Variants in ACSS3 observed in about 807,000 individuals in gnomAD.
The protein encoded by ACSS3 is acyl-CoA synthetase short chain family member 3.
Under a neutral mutation model 84.2 loss-of-function variants are expected in ACSS3, and 64 were observed. The ratio of observed to expected loss-of-function variants is 0.76; its 90% confidence interval spans 0.62 to 0.94. The LOEUF is 0.94. ACSS3 is among the 40% of genes least tolerant of loss of function. The probability of loss-of-function intolerance (pLI) is 0.00; values close to 1 mark genes in which losing one functional copy is unlikely to be tolerated. For synonymous variants in ACSS3, 317 were observed against 310.1 expected (o/e 1.02, Z -0.23); for missense variants, 815 against 867.6 (o/e 0.94, Z 0.76).
At chr12:81,190,205 TAGA>T (rs2031494302) in intron 8 of ACSS3, among the ~76,000 whole-genome samples, 1 of 145,580 alleles carries the variant, frequency 6.9e-6, no homozygotes, top group African/African-American at 2.4e-5. Flanking sequence ...CACAAAAACA[TAGA>T]GATAGAGAGA....
chr12:81,132,545 GTCTA>G lies in ACSS3; in HGVS notation c.457-2265_457-2262del, dbSNP rs376301055. On this transcript the variant is annotated intron_variant, in intron 2 of 15. Coordinates refer to ENST00000548058, the MANE Select transcript of ACSS3 (RefSeq NM_024560.4). ...TTCTTCTTTATTAGTCTTGCTAGCA[GTCTA>G]TCTATTTTGTTGATCTTTTCAAAAA... Among the ~76,000 whole-genome samples, 777 of 152,120 alleles carry G rather than the reference GTCTA, an allele frequency of 5.1e-3. 4 individuals are homozygous for G. The highest frequency in any genetic ancestry group is 0.014 in the African/African-American group (564 of 41,488).
chr12:81,088,165 A>G (rs939182714), intron 1 of ACSS3, among the ~76,000 whole-genome samples: 5 of 152,056 alleles, frequency 3.3e-5, no homozygotes, highest in Non-Finnish European at 7.4e-5. Context: ...CTCATCTACC[A>G]TGGCCATTTG....
At chr12:81,243,661 G>T (rs1284808576) in intron 13 of ACSS3, among the ~76,000 whole-genome samples, 2 of 152,066 alleles carry the variant, frequency 1.3e-5, no homozygotes, top group African/African-American at 2.4e-5. Context: ...CCAAAACAGA[G>T]ATATAGATGA....
intron 8 of ACSS3, among the ~76,000 whole-genome samples, chr12:81,179,837 A>G (rs2030800272): frequency 6.6e-6 from 1 of 151,974 alleles, no homozygotes; most frequent in Non-Finnish European, 1.5e-5. Flanking sequence ...CACATTGTAT[A>G]AAGAAATACC....
intron 2 of ACSS3, among the ~76,000 whole-genome samples, chr12:81,111,939 AAT>A (rs1435942937): frequency 6.6e-6 from 1 of 152,156 alleles, no homozygotes; most frequent in Non-Finnish European, 1.5e-5. Flanking sequence ...ATAATGCTGC[AAT>A]ATATCGTTTG....
intron 12 of ACSS3, 107 bp downstream of exon 12, chr12:81,231,245 T>A: frequency 2.1e-6 from 2 of 930,556 alleles, no homozygotes; most frequent in Non-Finnish European, 3.1e-6. Flanking sequence ...AAGAAACTTT[T>A]AAAGGTTATC....
chr12:81,109,188 G>T (rs1201455698), intron 1 of ACSS3, among the ~76,000 whole-genome samples: 1 of 152,080 alleles, frequency 6.6e-6, no homozygotes, highest in East Asian at 1.9e-4. Flanking sequence ...TCTGCCATTT[G>T]CCCTTTCACA....
intron 2 of ACSS3, among the ~76,000 whole-genome samples, chr12:81,127,688 T>C (rs1885198959): frequency 6.6e-6 from 1 of 152,200 alleles, no homozygotes; most frequent in Admixed American, 6.5e-5. Context: ...TTTGAAAATA[T>C]GCATTCCCTG....
chr12:81,180,056 A>G (rs2030817012), intron 8 of ACSS3, among the ~76,000 whole-genome samples: 1 of 152,224 alleles, frequency 6.6e-6, no homozygotes, highest in Non-Finnish European at 1.5e-5. Flanking sequence ...CACAGCCATA[A>G]AAAGAGTATC....
At chr12:81,183,354 A>G (rs1235781241) in intron 8 of ACSS3, among the ~76,000 whole-genome samples, 1 of 152,212 alleles carries the variant, frequency 6.6e-6, no homozygotes, top group Non-Finnish European at 1.5e-5. Context: ...AAAGCTTAGC[A>G]CTACAGAAAT....
In ACSS3 at chr12:81,078,349, T is replaced by C. The variant is rs1880753034; in HGVS notation, c.229T>C (p.Trp77Arg). 6.2e-7 allele frequency: 1 copy of C among 1,611,874 alleles called. No homozygotes were observed. The highest frequency in any genetic ancestry group is 1.1e-5 in the South Asian group (1 of 91,016). The change falls in exon 1 of 16, where the codon TGG becomes CGG. Residue 77 changes from tryptophan (W) to arginine (R), a missense_variant. Transcript: ENST00000548058. ...AASVTDPERFWGKAAEQISWY... is the reference protein window; with the variant it reads ...AASVTDPERFRGKAAEQISWY... ...CTCGGTGACCGACCCCGAGAGGTTCTGGGGCAAAGCTGCCGAGCAGATCAG... is the reference window on the plus strand; with the variant it reads ...CTCGGTGACCGACCCCGAGAGGTTCCGGGGCAAAGCTGCCGAGCAGATCAG...
chr12:81,099,394 A>G, intron 1 of ACSS3, among the ~76,000 whole-genome samples: 1 of 152,212 alleles, frequency 6.6e-6, no homozygotes, highest in East Asian at 1.9e-4. Context: ...TTAATAATAA[A>G]TACATGCAAA....
chr12:81,078,505 T>C, intron 1 of ACSS3, 74 bp downstream of exon 1: 2 of 1,511,154 alleles, frequency 1.3e-6, no homozygotes, highest in Admixed American at 2.0e-5. Context: ...CCCTGGGACC[T>C]GGAATCTGGC....
At chr12:81,176,687 C>T (rs756671950) in intron 8 of ACSS3, among the ~76,000 whole-genome samples, 1 of 151,852 alleles carries the variant, frequency 6.6e-6, no homozygotes, top group Non-Finnish European at 1.5e-5. Context: ...AAAAAACCTA[C>T]CAACCAGAAA....
chr12:81,213,595 C>CTTTCTTTCTTTCTTTTTT (rs1565723297), intron 9 of ACSS3, among the ~76,000 whole-genome samples: 1 of 10,202 alleles, frequency 9.8e-5, no homozygotes, highest in Non-Finnish European at 2.1e-4. Context: ...CCCTCCCCTC[C>CTTTCTTTCTTTCTTTTTT]CCTCCCCTCC....
intron 12 of ACSS3, 120 bp downstream of exon 12, chr12:81,231,258 G>A (rs2033453698): frequency 1.3e-6 from 1 of 761,668 alleles, no homozygotes; most frequent in African/African-American, 1.8e-5. Context: ...AGGTTATCTG[G>A]ACCAGTTTCC....
intron 13 of ACSS3, among the ~76,000 whole-genome samples, chr12:81,237,567 T>A (rs983165737): frequency 4.6e-5 from 7 of 151,708 alleles, no homozygotes; most frequent in African/African-American, 1.2e-4. Context: ...GTATTTTGAA[T>A]ATTACATCAT....
At chr12:81,229,059 A>G (rs1352043052) in intron 11 of ACSS3, among the ~76,000 whole-genome samples, 2 of 151,696 alleles carry the variant, frequency 1.3e-5, no homozygotes, top group East Asian at 3.9e-4. Context: ...TTCAGACTCC[A>G]CCATTCTCTA....
intron 8 of ACSS3, among the ~76,000 whole-genome samples, chr12:81,197,934 T>A (rs2031914096): frequency 6.6e-6 from 1 of 152,076 alleles, no homozygotes; most frequent in Admixed American, 6.6e-5. Flanking sequence ...CACACCCCAA[T>A]ATGTGCTACC....
Sources: allele counts gnomAD v4.1 joint callset (sites outside exome capture counted in the v4.1 genomes callset), GRCh38; gene constraint gnomAD v4.1.1; transcripts MANE v1.5; gene names NCBI Gene and HGNC (gene_info 2026-07-23, HGNC 2026-07-21).